The following MAP2 variants were observed in gnomAD, a reference collection of about 807,000 sequenced individuals.
The protein encoded by MAP2 is microtubule associated protein 2.
In MAP2, 14 loss-of-function variants were observed where a neutral mutation model predicts 137.6. That is an observed-to-expected ratio of 0.10 (90% CI 0.07 to 0.16). MAP2 has a LOEUF of 0.16. MAP2 is among the 10% of genes least tolerant of loss of function. MAP2 has a pLI of 1.00. For synonymous variants in MAP2, 786 were observed against 782.3 expected (o/e 1.00, Z -0.08); for missense variants, 2,088 against 2,191.5 (o/e 0.95, Z 0.94).
chr2:209,525,279 T>C (rs1009597099), intron 2 of MAP2, among the ~76,000 whole-genome samples: 1 of 152,214 alleles, frequency 6.6e-6, no homozygotes, highest in Non-Finnish European at 1.5e-5. Context: ...AATTTGTTTT[T>C]AATATAGAGA....
At chr2:209,468,423 C>T (rs1308463292) in intron 1 of MAP2, among the ~76,000 whole-genome samples, 1 of 149,178 alleles carries the variant, frequency 6.7e-6, no homozygotes, top group Non-Finnish European at 1.5e-5. Context: ...AGGTTCATGC[C>T]ATTTTCCTGC....
chr2:209,437,411 C>T (rs1418263093), intron 1 of MAP2, among the ~76,000 whole-genome samples: 6 of 151,658 alleles, frequency 4.0e-5, no homozygotes. Context: ...GAGGTTTTCT[C>T]ATTCAAACTG....
chr2:209,694,749 C>T lies in MAP2; in HGVS notation c.2579C>T (p.Thr860Met), dbSNP rs772124563. ...GATGAAAACCATGTCATTGTAAAAA[C>T]GGACAGTCAGCTCGAAGACCTGGGC... is the stretch of plus-strand genomic sequence containing the variant. ...VTDENHVIVK[T>M]DSQLEDLGYC... The change falls in exon 8 of 16, where the codon ACG becomes ATG. Residue 860 changes from threonine (T) to methionine (M), a missense_variant. Physicochemically the swap from Thr to Met is moderately conservative, Grantham distance 81 (BLOSUM62 -1). Coordinates refer to ENST00000682079, the MANE Select transcript of MAP2 (RefSeq NM_001375505.1). 26 of 1,613,992 alleles carry T rather than the reference C, an allele frequency of 1.6e-5. No homozygotes were observed. The highest frequency in any genetic ancestry group is 8.3e-5 in the Admixed American group (5 of 60,000).
At chr2:209,634,774 A>AT (rs1418115604) in intron 4 of MAP2, among the ~76,000 whole-genome samples, 1 of 152,188 alleles carries the variant, frequency 6.6e-6, no homozygotes, top group Non-Finnish European at 1.5e-5. Context: ...GATGTCAGTT[A>AT]TACCACAGAG....
chr2:209,648,274 G>A (rs911852823), intron 4 of MAP2, among the ~76,000 whole-genome samples: 3 of 151,678 alleles, frequency 2.0e-5, no homozygotes, highest in African/African-American at 4.8e-5. Context: ...GCTAATTTTT[G>A]TATTTTTCTT....
chr2:209,543,993 G>A (rs946474387), intron 2 of MAP2, among the ~76,000 whole-genome samples: 1 of 152,180 alleles, frequency 6.6e-6, no homozygotes, highest in African/African-American at 2.4e-5. Flanking sequence ...ACTTTGGGAG[G>A]CCGAGGTGGG....
intron 3 of MAP2, among the ~76,000 whole-genome samples, chr2:209,582,373 G>C (rs536658183): frequency 6.6e-6 from 1 of 152,128 alleles, no homozygotes; most frequent in South Asian, 2.1e-4. Flanking sequence ...TCTGGTTTTA[G>C]ATTAAAACGG....
intron 13 of MAP2, among the ~76,000 whole-genome samples, chr2:209,715,116 A>C (rs903386501): frequency 6.6e-6 from 1 of 152,140 alleles, no homozygotes; most frequent in African/African-American, 2.4e-5. Flanking sequence ...ACTACATTAA[A>C]TTTGGAAAGG....
rs2075671149 is a variant in MAP2, at chr2:209,730,682, G to A, written c.*285G>A. On this transcript the variant is annotated 3_prime_UTR_variant, in exon 16 of 16. Transcript: ENST00000682079. ...ATGGAGTATTATTATTTTAAAAATTGCATTTTTACCTTTCATGTGCCTGAA... is the reference window on the plus strand; with the variant it reads ...ATGGAGTATTATTATTTTAAAAATTACATTTTTACCTTTCATGTGCCTGAA... 3.0e-6 allele frequency: 1 copy of A among 334,140 alleles called. No homozygotes were observed. Among genetic ancestry groups the A allele is most frequent in the Admixed American group, 4.5e-5 (1 of 22,354 alleles). The allele number at this position is 334,140 out of a possible 1,614,324, so 20.7% of individuals were successfully genotyped here.
At chr2:209,472,936 G>C (rs920356963) in intron 1 of MAP2, among the ~76,000 whole-genome samples, 4 of 152,100 alleles carry the variant, frequency 2.6e-5, no homozygotes, top group African/African-American at 9.7e-5. Context: ...ACAATGTATA[G>C]GGATTTCTGA....
At chr2:209,489,239 C>A (rs556396449) in intron 1 of MAP2, among the ~76,000 whole-genome samples, 66 of 152,208 alleles carry the variant, frequency 4.3e-4, no homozygotes, top group African/African-American at 1.4e-3. Context: ...AAAGGAATAG[C>A]CTCAACATCA....
intron 7 of MAP2, 133 bp downstream of exon 7, chr2:209,680,960 A>G (rs1299951966): frequency 1.8e-6 from 1 of 543,544 alleles, no homozygotes; most frequent in Non-Finnish European, 3.2e-6. Flanking sequence ...CAAATAATGA[A>G]GAAGAAACAA....
intron 3 of MAP2, among the ~76,000 whole-genome samples, chr2:209,604,771 G>T (rs1321467091): frequency 6.6e-6 from 1 of 152,102 alleles, no homozygotes; most frequent in Admixed American, 6.6e-5. Context: ...CTGCCATAAA[G>T]GAAAATACTG....
intron 2 of MAP2, among the ~76,000 whole-genome samples, chr2:209,549,271 A>C (rs1042397890): frequency 2.6e-5 from 4 of 152,180 alleles, no homozygotes; most frequent in African/African-American, 9.6e-5. Flanking sequence ...TAGACAGTGG[A>C]CAGTGTCTAC....
At position 209,729,981 on chromosome 2, in the gene MAP2, A is replaced by T. The variant is rs568725668; in HGVS notation, c.5268+19A>T. ...TGTCAAGGTAAGAAACAAGGTTATG[A>T]GCCAATCTTGTCTTTTTAAAAAAAA... On this transcript the variant is annotated intron_variant, in intron 15 of 15. Transcript: ENST00000682079. The T allele has an allele frequency of 6.8e-7, 1 of 1,479,156 alleles. No homozygotes were observed. Among genetic ancestry groups the T allele is most frequent in the African/African-American group, 1.7e-5 (1 of 59,516 alleles). 91.6% of individuals were successfully genotyped at this position (1,479,156 alleles called of 1,614,324 possible).
chr2:209,566,177 A>G (rs191964834), intron 2 of MAP2, among the ~76,000 whole-genome samples: 1 of 152,324 alleles, frequency 6.6e-6, no homozygotes, highest in Admixed American at 6.5e-5. Flanking sequence ...ATTGATTTGC[A>G]TATCATCAAT....
intron 5 of MAP2, among the ~76,000 whole-genome samples, chr2:209,655,539 T>C (rs1344100804): frequency 6.6e-6 from 1 of 152,218 alleles, no homozygotes; most frequent in East Asian, 1.9e-4. Flanking sequence ...ATTTAACAAA[T>C]AACAACTTTT....
At chr2:209,667,516 C>T (rs1188529420) in intron 5 of MAP2, among the ~76,000 whole-genome samples, 2 of 151,778 alleles carry the variant, frequency 1.3e-5, no homozygotes, top group East Asian at 1.9e-4. Context: ...GATCAGGGCT[C>T]CTGTACATGA....
At chr2:209,488,986 CT>C (rs775455644) in intron 1 of MAP2, among the ~76,000 whole-genome samples, 3 of 152,214 alleles carry the variant, frequency 2.0e-5, no homozygotes, top group African/African-American at 4.8e-5. Flanking sequence ...CCCGTGCCAC[CT>C]AACAGGGAGA....
Sources: allele counts gnomAD v4.1 joint callset (sites outside exome capture counted in the v4.1 genomes callset), GRCh38; gene constraint gnomAD v4.1.1; transcripts MANE v1.5; gene names NCBI Gene and HGNC (gene_info 2026-07-23, HGNC 2026-07-21).